Variants in FNDC3A observed in about 807,000 individuals in gnomAD.
FNDC3A encodes the protein fibronectin type-III domain-containing protein 3A.
Under a neutral mutation model 148.9 loss-of-function variants are expected in FNDC3A, and 32 were observed. The observed-to-expected ratio is 0.21, with a 90% CI of 0.16 to 0.29. FNDC3A has a LOEUF of 0.29. FNDC3A is among the 10% of genes least tolerant of loss of function. FNDC3A has a pLI of 1.00. For synonymous variants in FNDC3A, 472 were observed against 473.6 expected, an observed-to-expected ratio of 1.00 and a Z score of 0.04; for missense variants, 1,191 against 1,452.8, an observed-to-expected ratio of 0.82 and a Z score of 2.93.
rs1420833339 is a variant in FNDC3A, at chr13:49,208,635, T to C, written c.*1240T>C. ...TGAGTTATTGGATGATCAGACTGAATTTTGTCAAGTATCACATTGTACATC... is the reference window on the plus strand; with the variant it reads ...TGAGTTATTGGATGATCAGACTGAACTTTGTCAAGTATCACATTGTACATC... On this transcript the variant is annotated 3_prime_UTR_variant, in exon 26 of 26. Transcript: ENST00000492622. 2 of 152,666 alleles carry C rather than the reference T, an allele frequency of 1.3e-5. No homozygotes were observed. Among genetic ancestry groups the C allele is most frequent in the Non-Finnish European group, 2.9e-5 (2 of 68,044 alleles). 9.5% of individuals were successfully genotyped at this position (152,666 alleles called of 1,614,324 possible).
chr13:49,130,595 TC>T (rs1344476433), intron 4 of FNDC3A, among the ~76,000 whole-genome samples: 1 of 152,198 alleles, frequency 6.6e-6, no homozygotes, highest in Non-Finnish European at 1.5e-5. Context: ...ATTAGGTTAC[TC>T]TTTAGCTTGT....
chr13:49,013,899 C>T (rs1952429175), intron 2 of FNDC3A, among the ~76,000 whole-genome samples: 1 of 151,804 alleles, frequency 6.6e-6, no homozygotes, highest in South Asian at 2.1e-4. Flanking sequence ...TTTCCAATTT[C>T]ATCCATGTCC....
chr13:49,158,136 A>T (rs567729195), intron 8 of FNDC3A, among the ~76,000 whole-genome samples: 40 of 152,192 alleles, frequency 2.6e-4, no homozygotes, highest in African/African-American at 7.7e-4. Flanking sequence ...GTCGCCTTGC[A>T]GTTTGATCTC....
At chr13:49,007,292 C>T (rs553101105) in intron 2 of FNDC3A, among the ~76,000 whole-genome samples, 1 of 152,194 alleles carries the variant, frequency 6.6e-6, no homozygotes, top group African/African-American at 2.4e-5. Flanking sequence ...TTTTTCTGTT[C>T]TGTGTAAACA....
chr13:49,048,115 T>C (rs1875554723), intron 2 of FNDC3A, among the ~76,000 whole-genome samples: 1 of 152,182 alleles, frequency 6.6e-6, no homozygotes, highest in Non-Finnish European at 1.5e-5. Flanking sequence ...TATTTGGCTT[T>C]ATTTCTGGGT....
intron 4 of FNDC3A, among the ~76,000 whole-genome samples, chr13:49,121,013 A>T (rs1881303666): frequency 6.6e-6 from 1 of 151,962 alleles, no homozygotes; most frequent in Non-Finnish European, 1.5e-5. Context: ...CATCTACAGA[A>T]CTCTCCACCC....
At chr13:49,011,151 G>A (rs1338201939) in intron 2 of FNDC3A, among the ~76,000 whole-genome samples, 1 of 151,774 alleles carries the variant, frequency 6.6e-6, no homozygotes, top group Non-Finnish European at 1.5e-5. Context: ...ATATATTCTG[G>A]CCAAAAGTTC....
chr13:49,180,767 C>T (rs979413071), intron 14 of FNDC3A, among the ~76,000 whole-genome samples: 1 of 152,142 alleles, frequency 6.6e-6, no homozygotes, highest in Non-Finnish European at 1.5e-5. Flanking sequence ...TGGTGGCTCA[C>T]ACCTGTAATC....
chr13:49,002,826 G>GT (rs1407180305), intron 1 of FNDC3A, among the ~76,000 whole-genome samples: 2 of 152,156 alleles, frequency 1.3e-5, no homozygotes, highest in African/African-American at 4.8e-5. Flanking sequence ...AACAGCCACA[G>GT]TTTATTTACA....
At chr13:49,062,976 A>G (rs1877000574) in intron 2 of FNDC3A, among the ~76,000 whole-genome samples, 1 of 152,162 alleles carries the variant, frequency 6.6e-6, no homozygotes, top group African/African-American at 2.4e-5. Context: ...ATTTGTACTT[A>G]ATATCAGTTT....
At chr13:49,058,420 C>G (rs938277032) in intron 2 of FNDC3A, among the ~76,000 whole-genome samples, 4 of 152,162 alleles carry the variant, frequency 2.6e-5, no homozygotes, top group African/African-American at 7.2e-5. Context: ...TTCATTTCTG[C>G]CTTTTAGTTT....
At chr13:49,027,461 A>C (rs1038076124) in intron 2 of FNDC3A, among the ~76,000 whole-genome samples, 4 of 152,258 alleles carry the variant, frequency 2.6e-5, no homozygotes, top group Admixed American at 6.5e-5. Flanking sequence ...TAAATGTATT[A>C]AAAAATTTTT....
chr13:49,129,125 T>C lies in FNDC3A; in HGVS notation c.253-2012T>C, dbSNP rs553814637. 8.5e-5 allele frequency among the ~76,000 whole-genome samples: 13 copies of C among 152,384 alleles called. No individual in the cohort carries two copies. In the South Asian group the frequency reaches 1.0e-3, roughly 12 times the overall value. On this transcript the variant is annotated intron_variant, in intron 4 of 25. Transcript: ENST00000492622. ...TTCTGAGGTTTTTCCCTCTTTGAAT[T>C]ATCAGTTTGTTTTGCTGAAAAATAG...
At chr13:49,097,667 C>T (rs189642866) in intron 3 of FNDC3A, among the ~76,000 whole-genome samples, 3 of 152,156 alleles carry the variant, frequency 2.0e-5, no homozygotes, top group African/African-American at 7.2e-5. Context: ...CTGTGCCAAG[C>T]CTCCAGGGGT....
chr13:49,166,804 G>A (rs1031249825), intron 8 of FNDC3A, among the ~76,000 whole-genome samples: 9 of 152,266 alleles, frequency 5.9e-5, no homozygotes, highest in South Asian at 2.1e-4. Context: ...TCTGTTCAAA[G>A]TGTAACATTT....
chr13:49,148,240 T>G (rs1172499377), intron 8 of FNDC3A, among the ~76,000 whole-genome samples: 1 of 152,166 alleles, frequency 6.6e-6, no homozygotes, highest in South Asian at 2.1e-4. Flanking sequence ...TTTTCTTTTT[T>G]TTGTTGTTGC....
At chr13:49,006,875 A>G (rs1426831096) in intron 2 of FNDC3A, among the ~76,000 whole-genome samples, 1 of 152,084 alleles carries the variant, frequency 6.6e-6, no homozygotes, top group Non-Finnish European at 1.5e-5. Context: ...TAACTATCTT[A>G]TATGGTAGGT....
chr13:49,187,482 TGTTTTA>T, intron 16 of FNDC3A: 1 of 1,505,806 alleles, frequency 6.6e-7, no homozygotes, highest in Non-Finnish European at 9.2e-7. Context: ...AACATCCTTA[TGTTTTA>T]AGTAGTTGTT....
At chr13:49,123,427 C>T (rs566051523) in intron 4 of FNDC3A, among the ~76,000 whole-genome samples, 1 of 152,228 alleles carries the variant, frequency 6.6e-6, no homozygotes, top group South Asian at 2.1e-4. Flanking sequence ...CCATTCAGGA[C>T]ATAGGCATGG....
Sources: allele counts gnomAD v4.1 joint callset (sites outside exome capture counted in the v4.1 genomes callset), GRCh38; gene constraint gnomAD v4.1.1; transcripts MANE v1.5; gene names NCBI Gene and HGNC (gene_info 2026-07-23, HGNC 2026-07-21).